HSD17B12: variants seen among roughly 807,000 people sequenced by gnomAD.
HSD17B12 encodes the protein very-long-chain 3-oxoacyl-CoA reductase.
In HSD17B12, 32 loss-of-function variants were observed where a neutral mutation model predicts 39.3. The observed-to-expected ratio is 0.81, with a 90% CI of 0.61 to 1.09. The LOEUF is 1.09. HSD17B12 is among the 50% of genes least tolerant of loss of function. The probability of loss-of-function intolerance (pLI) is 0.00; values close to 1 mark genes in which losing one functional copy is unlikely to be tolerated. For missense variants in HSD17B12, 342 were observed against 382.9 expected, an observed-to-expected ratio of 0.89 and a Z score of 0.89; for synonymous variants, 150 against 146.7, an observed-to-expected ratio of 1.02 and a Z score of -0.16.
rs534786382 is a variant in HSD17B12 at position 43,712,381 on chromosome 11, G to T, written c.160+31394G>T. 4.4e-3 allele frequency among the ~76,000 whole-genome samples: 674 copies of T among 152,058 alleles called. 4 individuals carry two copies. The highest frequency in any genetic ancestry group is 6.9e-3 in the Non-Finnish European group (466 of 67,970). On this transcript the variant is annotated intron_variant, in intron 1 of 10. Coordinates refer to ENST00000278353, the MANE Select transcript of HSD17B12 (RefSeq NM_016142.3). ...GGCGGAGGTTGTAGTGAGCTGAGAT[G>T]TTGCCACTGCACTCCAGCCTGGCGA... is the stretch of plus-strand genomic sequence containing the variant.
chr11:43,567,805 C>T, the HSD17B12 span, among the ~76,000 whole-genome samples: 1 of 152,200 alleles, frequency 6.6e-6, no homozygotes, highest in African/African-American at 2.4e-5. Context: ...TGCATTATTT[C>T]ATTTAATACT....
chr11:43,709,871 T>C (rs907398839), intron 1 of HSD17B12, among the ~76,000 whole-genome samples: 1 of 152,172 alleles, frequency 6.6e-6, no homozygotes, highest in African/African-American at 2.4e-5. Flanking sequence ...TCAGTGTGAA[T>C]GGTGACTATG....
intron 1 of HSD17B12, among the ~76,000 whole-genome samples, chr11:43,697,803 G>C (rs1465662666): frequency 6.6e-6 from 1 of 152,210 alleles, no homozygotes; most frequent in Non-Finnish European, 1.5e-5. Flanking sequence ...TGAGAGGAGA[G>C]AGGCAATAGA....
chr11:43,642,019 A>G, the HSD17B12 span, among the ~76,000 whole-genome samples: 1 of 151,882 alleles, frequency 6.6e-6, no homozygotes, highest in Non-Finnish European at 1.5e-5. Context: ...TTTGTCTTCT[A>G]TTAACATATA....
intron 3 of HSD17B12, among the ~76,000 whole-genome samples, chr11:43,795,650 C>G (rs1354629225): frequency 6.6e-6 from 1 of 152,104 alleles, no homozygotes; most frequent in Non-Finnish European, 1.5e-5. Flanking sequence ...TTGTTGTCTG[C>G]ATGCGATGCA....
In HSD17B12 at chr11:43,826,084, T is replaced by TTC. The variant is rs1195598925; in HGVS notation, c.502-4891_502-4890insCT. On this transcript the variant is annotated intron_variant, in intron 6 of 10. Coordinates refer to ENST00000278353, the MANE Select transcript of HSD17B12 (RefSeq NM_016142.3). ...TGTATATGCAGTCTTTTTTTTTCTT[T>TTC]TTTTTTTTTTTTTTTTGAGACGGAG... Among the ~76,000 whole-genome samples the TTC allele has an allele frequency of 5.0e-3, 328 of 66,060 alleles. 5 individuals are homozygous for TTC. Among genetic ancestry groups the TTC allele is most frequent in the East Asian group, 0.017 (33 of 1,962 alleles). 43.3% of individuals were successfully genotyped at this position (66,060 alleles called of 152,430 possible). A position where few individuals can be genotyped will look rare whatever the true frequency, so the allele number is the denominator to read the frequency against.
intron 3 of HSD17B12, among the ~76,000 whole-genome samples, chr11:43,767,201 G>A (rs1230600271): frequency 1.5e-5 from 2 of 129,634 alleles, no homozygotes; most frequent in Admixed American, 1.5e-4. Context: ...AGTGACTTTT[G>A]TGTAAAAAAA....
intron 6 of HSD17B12, chr11:43,829,828 A>T (rs1951290113): frequency 6.6e-6 from 1 of 152,166 alleles, no homozygotes; most frequent in South Asian, 2.1e-4. Context: ...TCTTTATAAT[A>T]CTTTAGCTAA....
chr11:43,677,746 T>C (rs542329040), upstream of HSD17B12, among the ~76,000 whole-genome samples: 53 of 152,200 alleles, frequency 3.5e-4, no homozygotes, highest in Non-Finnish European at 5.7e-4. Flanking sequence ...TCCAGCTTCA[T>C]CCATGTCCCT....
intron 9 of HSD17B12, among the ~76,000 whole-genome samples, chr11:43,847,511 C>G (rs1312077315): frequency 6.6e-6 from 1 of 151,926 alleles, no homozygotes; most frequent in African/African-American, 2.4e-5. Context: ...TTAACACCAG[C>G]CTGGGTAACA....
the HSD17B12 span, among the ~76,000 whole-genome samples, chr11:43,605,418 G>A: frequency 1.8e-4 from 27 of 152,006 alleles, no homozygotes; most frequent in Non-Finnish European, 2.6e-4. Flanking sequence ...AAAATTAGCC[G>A]TGTGTGGTGG....
intron 3 of HSD17B12, among the ~76,000 whole-genome samples, chr11:43,784,071 A>G (rs1950792556): frequency 6.6e-6 from 1 of 152,164 alleles, no homozygotes; most frequent in Non-Finnish European, 1.5e-5. Context: ...CAGGAGCATC[A>G]GCAGACTTGC....
At chr11:43,832,119 A>G (rs538663105) in intron 7 of HSD17B12, among the ~76,000 whole-genome samples, 1 of 152,252 alleles carries the variant, frequency 6.6e-6, no homozygotes, top group South Asian at 2.1e-4. Context: ...AAATCTTCAA[A>G]CTGCCTATTG....
intron 1 of HSD17B12, among the ~76,000 whole-genome samples, chr11:43,732,128 T>C (rs925797417): frequency 2.0e-5 from 3 of 152,088 alleles, no homozygotes; most frequent in African/African-American, 4.8e-5. Context: ...TGATAGTGAG[T>C]TCTCATGAGA....
chr11:43,721,606 G>A lies in HSD17B12; in HGVS notation c.161-29305G>A, dbSNP rs140453067. ...TGCACTCCAGCCTGGGTGACAGAGC[G>A]AGACTCCATCTCAAAAAAGAAAAAG... is the stretch of plus-strand genomic sequence containing the variant. On this transcript the variant is annotated intron_variant, in intron 1 of 10. Transcript: ENST00000278353. 2.5e-3 allele frequency among the ~76,000 whole-genome samples: 377 copies of A among 152,138 alleles called. 2 individuals are homozygous for A. The highest frequency in any genetic ancestry group is 8.1e-3 in the African/African-American group (337 of 41,482).
At chr11:43,676,143 T>C (rs1949692198), upstream of HSD17B12, among the ~76,000 whole-genome samples, 4 of 151,424 alleles carry the variant, frequency 2.6e-5, no homozygotes, top group Admixed American at 2.6e-4. Flanking sequence ...TCCCTAAGTC[T>C]TGGGCCTTAG....
chr11:43,667,879 G>A, the HSD17B12 span, among the ~76,000 whole-genome samples: 2 of 152,074 alleles, frequency 1.3e-5, no homozygotes, highest in Admixed American at 6.6e-5. Flanking sequence ...TGTATATGAG[G>A]GCAAAATGGT....
the HSD17B12 span, among the ~76,000 whole-genome samples, chr11:43,640,137 A>G: frequency 6.6e-6 from 1 of 152,062 alleles, no homozygotes; most frequent in Non-Finnish European, 1.5e-5. Context: ...TAAAAAAAAA[A>G]GTGGGGAATG....
the HSD17B12 span, among the ~76,000 whole-genome samples, chr11:43,618,917 C>T: frequency 1.3e-5 from 2 of 151,552 alleles, no homozygotes; most frequent in Non-Finnish European, 2.9e-5. Context: ...GTAACATATT[C>T]CACATGAACG....
Sources: allele counts gnomAD v4.1 joint callset (sites outside exome capture counted in the v4.1 genomes callset), GRCh38; gene constraint gnomAD v4.1.1; transcripts MANE v1.5; gene names NCBI Gene and HGNC (gene_info 2026-07-23, HGNC 2026-07-21).